PLCL2: variants seen among roughly 807,000 people sequenced by gnomAD.
PLCL2 encodes inactive phospholipase C-like protein 2.
In PLCL2, 4 loss-of-function variants were observed where a neutral mutation model predicts 79.6. The observed-to-expected ratio is 0.05, with a 90% confidence interval of 0.02 to 0.11. The LOEUF is 0.11. Ranked by LOEUF, PLCL2 falls within the 10% of genes least tolerant of loss-of-function variation. PLCL2 has a pLI of 1.00. For synonymous variants in PLCL2, 484 were observed against 457.7 expected (o/e 1.06, Z -0.73); for missense variants, 895 against 1,291.0 (o/e 0.69, Z 4.70).
chr3:16,890,649 TAAC>T (rs1220929101), intron 1 of PLCL2, among the ~76,000 whole-genome samples: 3 of 152,246 alleles, frequency 2.0e-5, no homozygotes, highest in Non-Finnish European at 2.9e-5. Flanking sequence ...TGGATTACTT[TAAC>T]TTCTTTTCTG....
chr3:17,081,208 G>A (rs2065159127), intron 5 of PLCL2: 1 of 456,766 alleles, frequency 2.2e-6, no homozygotes, highest in East Asian at 6.9e-5. Flanking sequence ...CAGGAAGGAG[G>A]AGTATTTTTG....
intron 3 of PLCL2, among the ~76,000 whole-genome samples, chr3:17,036,832 G>C (rs56060350): frequency 6.6e-6 from 1 of 152,186 alleles, no homozygotes; most frequent in East Asian, 1.9e-4. Context: ...CAAAATCAAG[G>C]CTCAGTATCT....
At chr3:17,026,434 A>G (rs567478815) in intron 3 of PLCL2, among the ~76,000 whole-genome samples, 88 of 152,316 alleles carry the variant, frequency 5.8e-4, no homozygotes, top group African/African-American at 2.0e-3. Context: ...TTATTCATCT[A>G]CCTACAGAAA....
At chr3:16,997,941 C>G (rs1247391477) in intron 1 of PLCL2, among the ~76,000 whole-genome samples, 1 of 152,104 alleles carries the variant, frequency 6.6e-6, no homozygotes, top group Non-Finnish European at 1.5e-5. Context: ...ACAAAGTGAT[C>G]ACATAATAAA....
intron 5 of PLCL2, among the ~76,000 whole-genome samples, chr3:17,075,717 A>G (rs1457064158): frequency 1.3e-5 from 2 of 152,050 alleles, no homozygotes; most frequent in African/African-American, 2.4e-5. Context: ...CACTTATCTC[A>G]TTTCTATCTC....
intron 3 of PLCL2, among the ~76,000 whole-genome samples, chr3:17,030,423 C>T (rs2064568177): frequency 6.6e-6 from 1 of 152,204 alleles, no homozygotes; most frequent in Admixed American, 6.5e-5. Context: ...TTTATTTTAA[C>T]ATCACTCCAT....
chr3:16,947,858 G>C (rs990365155), intron 1 of PLCL2, among the ~76,000 whole-genome samples: 2 of 152,042 alleles, frequency 1.3e-5, no homozygotes, highest in African/African-American at 4.8e-5. Flanking sequence ...TTTAAGAGAG[G>C]GTTAATTTGG....
chr3:16,933,909 A>G (rs1697472871), intron 1 of PLCL2, among the ~76,000 whole-genome samples: 1 of 152,134 alleles, frequency 6.6e-6, no homozygotes, highest in Non-Finnish European at 1.5e-5. Flanking sequence ...TCTACTAAAA[A>G]TACAGAAATT....
At chr3:17,079,866 A>T (rs2124953079) in intron 5 of PLCL2, among the ~76,000 whole-genome samples, 1 of 152,344 alleles carries the variant, frequency 6.6e-6, no homozygotes, top group East Asian at 1.9e-4. Flanking sequence ...AAAGGGAGCC[A>T]CATGGAAAGT....
chr3:16,988,819 G>A (rs2064076370), intron 1 of PLCL2, among the ~76,000 whole-genome samples: 1 of 152,032 alleles, frequency 6.6e-6, no homozygotes. Flanking sequence ...GAAAAAAAAG[G>A]TATTCATCAT....
rs367810448 is a variant in PLCL2 at position 16,887,315 on chromosome 3, A to C, written c.327+1949A>C. Among the ~76,000 whole-genome samples the C allele has an allele frequency of 1.3e-5, 2 of 152,224 alleles. No homozygotes were observed. Among genetic ancestry groups the C allele is most frequent in the African/African-American group, 4.8e-5 (2 of 41,466 alleles). On this transcript the variant is annotated intron_variant, in intron 1 of 5. Coordinates refer to ENST00000615277, the MANE Select transcript of PLCL2 (RefSeq NM_001144382.2). This position sits in a 1 kb window ranked among gnomAD's most constrained non-coding sequence, Gnocchi z 4.1. ...TAACCCTAGATATAAAGTGCCAGGA[A>C]TGTAGTAGCAGCTCAATAAATTGCT...
At position 17,009,636 on chromosome 3, in the gene PLCL2, T is replaced by G; in HGVS notation, c.328-38T>G. The G allele has an allele frequency of 9.3e-7, 1 of 1,079,410 alleles. No individual in the cohort carries two copies. Among genetic ancestry groups the G allele is most frequent in the Non-Finnish European group, 1.3e-6 (1 of 750,184 alleles). 66.9% of individuals were successfully genotyped at this position (1,079,410 alleles called of 1,614,324 possible). Reference sequence around the variant, plus strand: ...TAATCTTGAACATAGAAACCTATATTTATGTTATTCTAATATACGGTCTTT... The same window carrying G: ...TAATCTTGAACATAGAAACCTATATGTATGTTATTCTAATATACGGTCTTT... On this transcript the variant is annotated intron_variant, in intron 1 of 5. Transcript: ENST00000615277. This position sits in a 1 kb window ranked among gnomAD's most constrained non-coding sequence, Gnocchi z 4.0.
intron 5 of PLCL2, among the ~76,000 whole-genome samples, chr3:17,084,064 A>G (rs934325464): frequency 6.6e-6 from 1 of 152,192 alleles, no homozygotes; most frequent in Non-Finnish European, 1.5e-5. Flanking sequence ...ACTAAGAAAG[A>G]GATGATACAA....
At chr3:17,035,772 A>G (rs774305582) in intron 3 of PLCL2, 4 of 516,474 alleles carry the variant, frequency 7.7e-6, no homozygotes, top group Admixed American at 5.8e-5. Flanking sequence ...TACATTCTCT[A>G]ATACGAGTTG....
rs1255223648 is a variant in PLCL2 at position 17,011,298 on chromosome 3, T to A, written c.1952T>A (p.Val651Glu). 6.2e-7 allele frequency: 1 copy of A among 1,614,240 alleles called. No individual in the cohort carries two copies. The highest frequency in any genetic ancestry group is 2.2e-5 in the East Asian group (1 of 44,886). ...KYWEVCSFNE[V>E]LASKYANENP... is the part of the protein sequence containing the mutation. ...TGGGAAGTCTGTTCCTTTAATGAAG[T>A]GCTTGCCAGCAAGTACGCCAATGAA... The change falls in exon 2 of 6, where the codon GTG (valine) becomes GAG (glutamate). Residue 651 changes from valine to glutamate, a missense_variant. Physicochemically the swap from Val to Glu is moderately radical, Grantham distance 121. This residue lies in a region of PLCL2 where 242 missense variants were observed against 399.5 expected (regional missense o/e 0.61). Transcript: ENST00000615277. This position sits in a 1 kb window ranked among gnomAD's most constrained non-coding sequence, Gnocchi z 7.9.
intron 4 of PLCL2, among the ~76,000 whole-genome samples, chr3:17,047,042 A>G (rs1457864813): frequency 6.6e-6 from 1 of 152,228 alleles, no homozygotes; most frequent in Non-Finnish European, 1.5e-5. Flanking sequence ...TGGAAATATG[A>G]ACATAAATAC....
chr3:16,918,841 A>G (rs573838837), intron 1 of PLCL2, among the ~76,000 whole-genome samples: 3 of 152,268 alleles, frequency 2.0e-5, no homozygotes, highest in African/African-American at 7.2e-5. Flanking sequence ...AGTCAAAGTT[A>G]ATGTTAAATA....
chr3:16,990,311 C>T (rs1293525162), intron 1 of PLCL2, among the ~76,000 whole-genome samples: 2 of 152,202 alleles, frequency 1.3e-5, no homozygotes, highest in African/African-American at 4.8e-5. Flanking sequence ...GTGCAGAAGA[C>T]AGACCAGAGC....
At chr3:16,925,661 G>A (rs1490337314) in intron 1 of PLCL2, among the ~76,000 whole-genome samples, 1 of 152,060 alleles carries the variant, frequency 6.6e-6, no homozygotes, top group African/African-American at 2.4e-5. Flanking sequence ...CTTTCACTTA[G>A]CATAATATTT....
Sources: allele counts gnomAD v4.1 joint callset (sites outside exome capture counted in the v4.1 genomes callset), GRCh38; gene constraint gnomAD v4.1.1; regional missense constraint gnomAD v4.1.1; non-coding constraint Gnocchi (gnomAD v3.1); transcripts MANE v1.5; gene names NCBI Gene and HGNC (gene_info 2026-07-23, HGNC 2026-07-21).